The following DCAF5 variants were observed in gnomAD, a reference collection of about 807,000 sequenced individuals.
DCAF5 encodes DDB1 and CUL4 associated factor 5, also known as DDB1- and CUL4-associated factor 5.
In DCAF5, 9 loss-of-function variants were observed where a neutral mutation model predicts 80.7. The observed-to-expected ratio is 0.11, with a 90% CI of 0.07 to 0.19. DCAF5 has a LOEUF of 0.19. Ranked by LOEUF, DCAF5 falls within the 10% of genes least tolerant of loss-of-function variation. The pLI is 1.00. For synonymous variants in DCAF5, 433 were observed against 461.9 expected (o/e 0.94, Z 0.80); for missense variants, 842 against 1,205.7 (o/e 0.70, Z 4.47).
chr14:69,080,744 C>T (rs191671031), intron 6 of DCAF5, among the ~76,000 whole-genome samples: 20 of 152,210 alleles, frequency 1.3e-4, no homozygotes, highest in African/African-American at 4.8e-4. Context: ...ACCCAAAATT[C>T]CTATGTTTCA....
chr14:69,141,139 T>A (rs554199568), intron 1 of DCAF5, among the ~76,000 whole-genome samples: 1,812 of 58,966 alleles, frequency 0.031, 46 homozygotes, highest in Middle Eastern at 0.065. Context: ...ATCTCAAATT[T>A]AAAAAAAAAA....
At chr14:69,108,709 C>T (rs2040249080) in intron 5 of DCAF5, among the ~76,000 whole-genome samples, 1 of 152,150 alleles carries the variant, frequency 6.6e-6, no homozygotes, top group South Asian at 2.1e-4. Context: ...GAGGACAGAA[C>T]ACTTGCATGA....
intron 7 of DCAF5, among the ~76,000 whole-genome samples, chr14:69,063,948 A>G (rs1273999238): frequency 1.3e-5 from 2 of 152,214 alleles, no homozygotes; most frequent in South Asian, 2.1e-4. Context: ...TATCGTATTC[A>G]TATCTCAGCC....
intron 5 of DCAF5, among the ~76,000 whole-genome samples, chr14:69,115,440 C>A (rs1190074274): frequency 6.6e-6 from 1 of 152,212 alleles, no homozygotes; most frequent in East Asian, 1.9e-4. Context: ...CTACTCCTTT[C>A]ATCTGAGGCC....
intron 7 of DCAF5, among the ~76,000 whole-genome samples, chr14:69,065,094 C>CTTT (rs2038378150): frequency 1.3e-5 from 1 of 77,296 alleles, no homozygotes. Flanking sequence ...GCAATATGAC[C>CTTT]TCTTTTTTTT....
At chr14:69,143,793 G>C (rs1041808315) in intron 1 of DCAF5, 3 of 151,910 alleles carry the variant, frequency 2.0e-5, no homozygotes, top group African/African-American at 7.3e-5. Flanking sequence ...ATAAAGTAAC[G>C]GATCATGGTT....
intron 2 of DCAF5, 104 bp from the exon 3 acceptor site, chr14:69,119,334 C>T: frequency 9.1e-7 from 1 of 1,095,140 alleles, no homozygotes; most frequent in Non-Finnish European, 1.3e-6. Flanking sequence ...ATGAACAAAG[C>T]CAATGCTAAT....
At chr14:69,105,758 T>C (rs1198785074) in intron 5 of DCAF5, among the ~76,000 whole-genome samples, 2 of 151,122 alleles carry the variant, frequency 1.3e-5, no homozygotes, top group Non-Finnish European at 3.0e-5. Flanking sequence ...TCTTGGGCCT[T>C]TGGCATCAGA....
At chr14:69,146,841 A>G (rs1466511433) in intron 1 of DCAF5, among the ~76,000 whole-genome samples, 1 of 152,248 alleles carries the variant, frequency 6.6e-6, no homozygotes, top group African/African-American at 2.4e-5. Context: ...AGAAAATTTG[A>G]AAACTGATTC....
At chr14:69,087,617 G>T (rs145431489) in intron 6 of DCAF5, among the ~76,000 whole-genome samples, 1,958 of 152,260 alleles carry the variant, frequency 0.013, 17 homozygotes, top group Non-Finnish European at 0.02. Context: ...AACAAACTAT[G>T]TATTTGTAGC....
At chr14:69,064,645 T>C (rs2038362143) in intron 7 of DCAF5, among the ~76,000 whole-genome samples, 1 of 152,168 alleles carries the variant, frequency 6.6e-6, no homozygotes. Flanking sequence ...AGATAGGTGG[T>C]TTTCTTCTGA....
intron 7 of DCAF5, among the ~76,000 whole-genome samples, chr14:69,064,612 T>C (rs1457350398): frequency 2.6e-5 from 4 of 152,232 alleles, no homozygotes; most frequent in Non-Finnish European, 5.9e-5. Context: ...GATTTAGATT[T>C]CTAAATCTTT....
At chr14:69,136,494 A>G (rs1237167936) in intron 1 of DCAF5, among the ~76,000 whole-genome samples, 1 of 152,166 alleles carries the variant, frequency 6.6e-6, no homozygotes, top group Non-Finnish European at 1.5e-5. Flanking sequence ...TGACAGATAC[A>G]CACAGATTTG....
chr14:69,102,534 T>A (rs2039990885), intron 5 of DCAF5, among the ~76,000 whole-genome samples: 1 of 150,638 alleles, frequency 6.6e-6, no homozygotes, highest in East Asian at 1.9e-4. Context: ...CTTCTTTATA[T>A]CCTTATTCTT....
chr14:69,093,348 A>G (rs961514812), intron 5 of DCAF5, among the ~76,000 whole-genome samples: 1 of 152,212 alleles, frequency 6.6e-6, no homozygotes, highest in Admixed American at 6.5e-5. Flanking sequence ...TTTAGAGAAA[A>G]AAGTTTATAA....
At chr14:69,135,501 T>C (rs1421603276) in intron 1 of DCAF5, among the ~76,000 whole-genome samples, 1 of 152,216 alleles carries the variant, frequency 6.6e-6, no homozygotes, top group Non-Finnish European at 1.5e-5. Context: ...ATGAGATAGT[T>C]TGCATTGTGA....
chr14:69,070,758 T>G (rs2038655164), intron 7 of DCAF5, among the ~76,000 whole-genome samples: 1 of 152,110 alleles, frequency 6.6e-6, no homozygotes, highest in Non-Finnish European at 1.5e-5. Flanking sequence ...TTCCCAGTTC[T>G]AGTTCTATTC....
Position 69,153,097 on chromosome 14 carries a change from C to A in DCAF5, c.-119G>T. 1 of 774,078 alleles carries A rather than the reference C, an allele frequency of 1.3e-6. No homozygotes were observed. The highest frequency in any genetic ancestry group is 1.9e-6 in the Non-Finnish European group (1 of 534,910). 48.0% of individuals were successfully genotyped at this position (774,078 alleles called of 1,614,324 possible). The stretch of plus-strand genomic sequence containing the variant: ...GCGATCCGGATGGTTCTTTAACCAG[C>A]CATGGCAGGCAGAGCGAGGTGTGCA... On this transcript the variant is annotated 5_prime_UTR_variant, in exon 1 of 9. Transcript: ENST00000341516.
intron 5 of DCAF5, among the ~76,000 whole-genome samples, chr14:69,104,622 G>A (rs2040070234): frequency 2.0e-5 from 3 of 152,014 alleles, no homozygotes; most frequent in South Asian, 2.1e-4. Flanking sequence ...TTGGGAGGCC[G>A]AGGTGGGTGG....
Sources: allele counts gnomAD v4.1 joint callset (sites outside exome capture counted in the v4.1 genomes callset), GRCh38; gene constraint gnomAD v4.1.1; transcripts MANE v1.5; gene names NCBI Gene and HGNC (gene_info 2026-07-23, HGNC 2026-07-21).